The following SLC15A5 variants were observed in gnomAD, a reference collection of about 807,000 sequenced individuals.
SLC15A5 encodes the protein solute carrier family 15 member 5.
SLC15A5 carries 58 observed loss-of-function variants against 56.1 expected under a neutral mutation model. That is an observed-to-expected ratio of 1.03 (90% CI 0.84 to 1.29). SLC15A5 has a LOEUF of 1.29. Ranked by LOEUF, SLC15A5 falls within the 50% of genes most tolerant of loss-of-function variation. The probability of loss-of-function intolerance (pLI) is 0.00; values close to 1 mark genes in which losing one functional copy is unlikely to be tolerated. For missense variants in SLC15A5, 681 were observed against 672.1 expected (o/e 1.01, Z -0.15); for synonymous variants, 264 against 250.5 (o/e 1.05, Z -0.51).
rs909042979 is a variant in SLC15A5, at chr12:16,216,955, A to G, written c.1421T>C (p.Phe474Ser). The G allele has an allele frequency of 1.3e-6, 2 of 1,536,912 alleles. No homozygotes were observed. The highest frequency in any genetic ancestry group is 8.7e-7 in the Non-Finnish European group (1 of 1,146,660). ...RGTSMNFLTL[F>S]NGFGCFTGAL... ...CCCTGTGAAACAGCCAAATCCATTG[A>G]ACAGTGTCAGAAAATTCATGGAGGT... The change falls in exon 7 of 9, where the codon TTC becomes TCC. Residue 474 changes from phenylalanine (F) to serine (S), a missense_variant. Phe to Ser is a radical substitution (Grantham distance 155). Coordinates refer to ENST00000344941, the MANE Select transcript of SLC15A5 (RefSeq NM_001170798.1).
chr12:16,217,987 G>A (rs766537923), intron 6 of SLC15A5, among the ~76,000 whole-genome samples: 30 of 152,018 alleles, frequency 2.0e-4, no homozygotes, highest in Admixed American at 2.6e-4. Context: ...GATTTTGTAC[G>A]TGCCATATAA....
intron 8 of SLC15A5, among the ~76,000 whole-genome samples, chr12:16,192,631 A>G (rs1863848093): frequency 6.6e-6 from 1 of 152,036 alleles, no homozygotes; most frequent in Admixed American, 6.6e-5. Context: ...AATGCTTAGC[A>G]TGTTGGTTGA....
In SLC15A5 at chr12:16,258,993, T is replaced by TTC. The variant is rs1325785982; in HGVS notation, c.585-1124_585-1123insGA. Among the ~76,000 whole-genome samples the TTC allele has an allele frequency of 3.4e-5, 5 of 145,436 alleles. No homozygotes were observed. In the East Asian group the frequency reaches 8.0e-4, roughly 23 times the overall value. On this transcript the variant is annotated intron_variant, in intron 2 of 8. Coordinates refer to ENST00000344941, the MANE Select transcript of SLC15A5 (RefSeq NM_001170798.1). Reference sequence around the variant, plus strand: ...ATGTCTGCCACATCTTCTTTTTCTTTTTTTTTTTTTCTTTTTCTTTTCTTT... The same window carrying TTC: ...ATGTCTGCCACATCTTCTTTTTCTTTTCTTTTTTTTTTCTTTTTCTTTTCTTT...
chr12:16,266,220 GACTTGTGGCTGTA>G (rs1460527540), intron 2 of SLC15A5, among the ~76,000 whole-genome samples: 3 of 152,216 alleles, frequency 2.0e-5, no homozygotes, highest in Admixed American at 2.0e-4. Flanking sequence ...CTGTACACTT[GACTTGTGGCTGTA>G]GCAACACAGA....
chr12:16,266,815 T>C (rs1452456669), intron 2 of SLC15A5, among the ~76,000 whole-genome samples: 1 of 152,140 alleles, frequency 6.6e-6, no homozygotes, highest in Admixed American at 6.6e-5. Context: ...TTAAGGAAAA[T>C]TGAAAGCAGC....
chr12:16,272,555 A>G lies in SLC15A5; in HGVS notation c.584+6T>C, dbSNP rs1306668481. 1.3e-6 allele frequency: 2 copies of G among 1,536,266 alleles called. No individual in the cohort carries two copies. The highest frequency in any genetic ancestry group is 1.7e-6 in the Non-Finnish European group (2 of 1,146,210). On this transcript the variant is annotated splice_donor_region_variant and intron_variant, in intron 2 of 8. Transcript: ENST00000344941. ...CCTCTTTTCTCTCCTAGCCAGTGCTACTTACCAGTTAAAAAAAGACATCGT... is the reference window on the plus strand; with the variant it reads ...CCTCTTTTCTCTCCTAGCCAGTGCTGCTTACCAGTTAAAAAAAGACATCGT...
chr12:16,238,644 A>T (rs980903782), intron 5 of SLC15A5, among the ~76,000 whole-genome samples: 2 of 151,478 alleles, frequency 1.3e-5, no homozygotes, highest in African/African-American at 4.9e-5. Flanking sequence ...AAAAAAAAAA[A>T]AAATAAGAAC....
At chr12:16,233,054 A>C (rs1864313530) in intron 5 of SLC15A5, among the ~76,000 whole-genome samples, 1 of 152,204 alleles carries the variant, frequency 6.6e-6, no homozygotes, top group South Asian at 2.1e-4. Context: ...ACAGTAATTT[A>C]AGTTGCTTTC....
intron 3 of SLC15A5, among the ~76,000 whole-genome samples, chr12:16,249,791 T>C (rs1432724917): frequency 6.6e-6 from 1 of 152,050 alleles, no homozygotes; most frequent in Non-Finnish European, 1.5e-5. Flanking sequence ...TATGAATATA[T>C]GTATACATAT....
At chr12:16,203,741 G>A (rs759330357) in intron 7 of SLC15A5, among the ~76,000 whole-genome samples, 20 of 152,114 alleles carry the variant, frequency 1.3e-4, no homozygotes, top group Non-Finnish European at 2.4e-4. Flanking sequence ...AAGCATAGGA[G>A]TAAATATTGG....
rs140751057 is a variant in SLC15A5, at chr12:16,194,100, A to G, written c.1592+245T>C. Reference sequence around the variant, plus strand: ...ATTTCTAATTCTAAAGTGATGCTACATAGTGGGGAAAAAAATCTTGTGTTA... The same window carrying G: ...ATTTCTAATTCTAAAGTGATGCTACGTAGTGGGGAAAAAAATCTTGTGTTA... On this transcript the variant is annotated intron_variant, in intron 8 of 8. Coordinates refer to ENST00000344941, the MANE Select transcript of SLC15A5 (RefSeq NM_001170798.1). Among the ~76,000 whole-genome samples the G allele has an allele frequency of 4.8e-3, 728 of 152,162 alleles. 9 individuals carry two copies. Among genetic ancestry groups the G allele is most frequent in the African/African-American group, 0.016 (673 of 41,528 alleles).
chr12:16,259,748 A>G (rs1864621490), intron 2 of SLC15A5, among the ~76,000 whole-genome samples: 1 of 152,142 alleles, frequency 6.6e-6, no homozygotes, highest in Non-Finnish European at 1.5e-5. Flanking sequence ...CACACAGGAG[A>G]GTATGACAAA....
Position 16,235,885 on chromosome 12 carries a change from G to T in SLC15A5, c.1162+3796C>A, listed in dbSNP as rs1166212396. On this transcript the variant is annotated intron_variant, in intron 5 of 8. Transcript: ENST00000344941. The surrounding 1 kb of genome is among the most constrained non-coding windows in gnomAD (Gnocchi z 4.1). The stretch of plus-strand genomic sequence containing the variant: ...CAACTGCAAGTTATTAGAACTAGTT[G>T]AGGTTACTGGTTATGTATACAGGGA... 6.6e-6 allele frequency among the ~76,000 whole-genome samples: 1 copy of T among 151,994 alleles called. No homozygotes were observed. Among genetic ancestry groups the T allele is most frequent in the Non-Finnish European group, 1.5e-5 (1 of 67,954 alleles).
chr12:16,274,364 T>C (rs1467592550), intron 1 of SLC15A5, among the ~76,000 whole-genome samples: 1 of 152,134 alleles, frequency 6.6e-6, no homozygotes, highest in Middle Eastern at 3.2e-3. Context: ...TAGTGAAAAA[T>C]GGCTCCTCCA....
At chr12:16,199,991 T>C (rs1416988801) in intron 7 of SLC15A5, among the ~76,000 whole-genome samples, 2 of 151,982 alleles carry the variant, frequency 1.3e-5, no homozygotes, top group Admixed American at 6.6e-5. Context: ...AATGGGTCAC[T>C]TTAACTGTAG....
intron 2 of SLC15A5, among the ~76,000 whole-genome samples, chr12:16,266,645 T>C (rs1459778079): frequency 1.3e-5 from 2 of 152,158 alleles, no homozygotes; most frequent in African/African-American, 4.8e-5. Flanking sequence ...TGAAATTGTA[T>C]ATGTATCATC....
At chr12:16,193,399 G>A (rs1863857502) in intron 8 of SLC15A5, among the ~76,000 whole-genome samples, 1 of 151,982 alleles carries the variant, frequency 6.6e-6, no homozygotes, top group African/African-American at 2.4e-5. Context: ...CCCAATGAGA[G>A]CAGAACACTG....
At chr12:16,190,004 T>G (rs1863825661) in intron 8 of SLC15A5, among the ~76,000 whole-genome samples, 189 bp from the exon 9 acceptor site, 2 of 152,170 alleles carry the variant, frequency 1.3e-5, no homozygotes, top group Non-Finnish European at 2.9e-5. Context: ...TTTTTGTGAC[T>G]TAGTAAAGTG....
chr12:16,248,246 T>C (rs1479560463), intron 3 of SLC15A5, among the ~76,000 whole-genome samples: 1 of 152,078 alleles, frequency 6.6e-6, no homozygotes, highest in Non-Finnish European at 1.5e-5. Flanking sequence ...GAATATATGC[T>C]TTTCAAGGTC....
Sources: allele counts gnomAD v4.1 joint callset (sites outside exome capture counted in the v4.1 genomes callset), GRCh38; gene constraint gnomAD v4.1.1; non-coding constraint Gnocchi (gnomAD v3.1); transcripts MANE v1.5; gene names NCBI Gene and HGNC (gene_info 2026-07-23, HGNC 2026-07-21).